ZNF536: variants seen among roughly 807,000 people sequenced by gnomAD.
ZNF536 encodes zinc finger protein 536.
Under a neutral mutation model 84.5 loss-of-function variants are expected in ZNF536, and 13 were observed. That is an observed-to-expected ratio of 0.15 (90% CI 0.10 to 0.24). ZNF536 has a LOEUF of 0.24. Ranked by LOEUF, ZNF536 falls within the 10% of genes least tolerant of loss-of-function variation. The pLI is 1.00. For synonymous variants in ZNF536, 811 were observed against 742.5 expected, an observed-to-expected ratio of 1.09 and a Z score of -1.50; for missense variants, 1,536 against 1,747.5, an observed-to-expected ratio of 0.88 and a Z score of 2.16.
chr19:30,496,707 G>C (rs2054734162), intron 2 of ZNF536, among the ~76,000 whole-genome samples: 1 of 152,112 alleles, frequency 6.6e-6, no homozygotes, highest in African/African-American at 2.4e-5. Context: ...CAGCACCTGG[G>C]CCTTCTCAAT....
chr19:30,514,337 A>T (rs1016281752), intron 2 of ZNF536, among the ~76,000 whole-genome samples: 1 of 152,072 alleles, frequency 6.6e-6, no homozygotes, highest in African/African-American at 2.4e-5. Flanking sequence ...AATCTCGTTG[A>T]TGTGGCAGGG....
At chr19:30,314,325 G>A (rs567117756) in intron 2 of ZNF536, among the ~76,000 whole-genome samples, 2 of 152,266 alleles carry the variant, frequency 1.3e-5, no homozygotes, top group South Asian at 2.1e-4. Context: ...TGTAGACAGG[G>A]CTCCTGCAGG....
At position 30,612,147 on chromosome 19, in the gene ZNF536, G is replaced by A. The variant is rs558076281; in HGVS notation, c.169+62633G>A. ...ATTTGGTGCTCCCGAAAGAAACATC[G>A]TTTCACTCTTTTATTGAGTTTTATG... On this transcript the variant is annotated intron_variant, in intron 1 of 1. Transcript: ENST00000592773. 1.2e-4 allele frequency among the ~76,000 whole-genome samples: 18 copies of A among 152,226 alleles called. No individual in the cohort carries two copies. The South Asian group carries it at 2.5e-3, about 21-fold the overall frequency.
chr19:30,442,259 C>A (rs1429613432), intron 1 of ZNF536, among the ~76,000 whole-genome samples: 2 of 152,230 alleles, frequency 1.3e-5, no homozygotes, highest in African/African-American at 2.4e-5. Context: ...GTTTCCTCTG[C>A]CCTCCCTGGA....
In ZNF536 at chr19:30,242,478, A is replaced by G. The variant is rs151309886; in HGVS notation, c.-190+13805A>G. ...TGGGAGGGTCCATCATGAGTGTCAC[A>G]ACAGTATTTTGGGTTCCTCTTTCCT... On this transcript the variant is annotated intron_variant, in intron 1 of 5. Coordinates refer to the ZNF536 transcript ENST00000585628. Among the ~76,000 whole-genome samples, 1,097 of 152,286 alleles carry G rather than the reference A, an allele frequency of 7.2e-3. 11 individuals are homozygous for G. The highest frequency in any genetic ancestry group is 0.026 in the African/African-American group (1,063 of 41,550).
At chr19:30,531,404 A>C (rs1297072917) in intron 2 of ZNF536, among the ~76,000 whole-genome samples, 2 of 151,306 alleles carry the variant, frequency 1.3e-5, no homozygotes, top group African/African-American at 2.4e-5. Context: ...CAGGAGAAAT[A>C]TGCCCTCTCT....
intron 1 of ZNF536, among the ~76,000 whole-genome samples, chr19:30,613,936 C>G (rs2048190789): frequency 6.6e-6 from 1 of 152,212 alleles, no homozygotes; most frequent in Non-Finnish European, 1.5e-5. Context: ...GATCTTGGCT[C>G]ACTGCAACCT....
intron 1 of ZNF536, among the ~76,000 whole-genome samples, chr19:30,239,960 C>G (rs1348229353): frequency 6.6e-6 from 1 of 152,206 alleles, no homozygotes; most frequent in African/African-American, 2.4e-5. Context: ...CCAGACTTGT[C>G]AGCTAGCCTT....
chr19:30,532,420 C>A (rs574903343), intron 2 of ZNF536, among the ~76,000 whole-genome samples: 1 of 152,208 alleles, frequency 6.6e-6, no homozygotes, highest in South Asian at 2.1e-4. Context: ...CATAAGCCAC[C>A]ATGCCCGGCC....
intron 1 of ZNF536, among the ~76,000 whole-genome samples, chr19:30,382,988 C>G (rs1022789879): frequency 1.3e-5 from 2 of 152,126 alleles, no homozygotes; most frequent in African/African-American, 4.8e-5. Context: ...TTCTTTTTCT[C>G]CTCCTAAAAA....
intron 2 of ZNF536, among the ~76,000 whole-genome samples, chr19:30,288,121 G>A (rs1180966820): frequency 6.6e-6 from 1 of 152,136 alleles, no homozygotes; most frequent in East Asian, 1.9e-4. Context: ...AATCCACAAG[G>A]GCACATACAC....
chr19:30,232,364 G>A (rs2023128913), intron 1 of ZNF536, among the ~76,000 whole-genome samples: 1 of 152,102 alleles, frequency 6.6e-6, no homozygotes, highest in African/African-American at 2.4e-5. Flanking sequence ...TGAGGTCTGG[G>A]GTACAATGCA....
At chr19:30,407,414 C>A (rs959556122) in intron 1 of ZNF536, among the ~76,000 whole-genome samples, 4 of 152,106 alleles carry the variant, frequency 2.6e-5, no homozygotes, top group Non-Finnish European at 5.9e-5. Flanking sequence ...GTGGGGGGCT[C>A]CCCACACACC....
chr19:30,526,089 T>C (rs369148630), intron 2 of ZNF536, among the ~76,000 whole-genome samples: 1 of 152,144 alleles, frequency 6.6e-6, no homozygotes, highest in South Asian at 2.1e-4. Flanking sequence ...GCGACACGAA[T>C]GGTCTCTGGG....
chr19:30,664,960 C>T (rs11881997), intron 1 of ZNF536, among the ~76,000 whole-genome samples: 36,963 of 152,222 alleles, frequency 0.24, 5,227 homozygotes, highest in African/African-American at 0.38. Flanking sequence ...CTCCTAGAGG[C>T]TCCATGAGAG....
Position 30,445,302 on chromosome 19 carries a change from T to C in ZNF536, c.1740T>C (p.Ala580=), listed in dbSNP as rs1313978568. 1.2e-6 allele frequency: 2 copies of C among 1,614,180 alleles called. No homozygotes were observed. The highest frequency in any genetic ancestry group is 1.7e-6 in the Non-Finnish European group (2 of 1,180,032). Residue 580 remains alanine, a synonymous_variant, in exon 2 of 5, where the codon GCT becomes GCC. Coordinates refer to ENST00000355537, the MANE Select transcript of ZNF536 (RefSeq NM_014717.3). The surrounding 1 kb of genome is among the most constrained non-coding windows in gnomAD (Gnocchi z 4.5). The part of the protein sequence containing the change: ...GADGSKQKMP[A]DLVHSTKVGS... ...ATGGCTCCAAGCAGAAAATGCCTGC[T>C]GATTTGGTTCACAGCACTAAAGTGG...
intron 2 of ZNF536, among the ~76,000 whole-genome samples, chr19:30,506,756 C>G (rs770221995): frequency 1.3e-5 from 2 of 152,108 alleles, no homozygotes; most frequent in African/African-American, 4.8e-5. Flanking sequence ...TATTTTGATC[C>G]CTTTCCCCAC....
chr19:30,238,449 A>G (rs1379326960), intron 1 of ZNF536, among the ~76,000 whole-genome samples: 1 of 152,096 alleles, frequency 6.6e-6, no homozygotes, highest in Non-Finnish European at 1.5e-5. Context: ...ACACACACAC[A>G]CACACACACA....
At chr19:30,411,823 A>G (rs185542495) in intron 1 of ZNF536, among the ~76,000 whole-genome samples, 1 of 152,260 alleles carries the variant, frequency 6.6e-6, no homozygotes, top group East Asian at 1.9e-4. Context: ...TAAGTTTGAT[A>G]GATGATCTTA....
Sources: gnomAD v4.1 joint callset for allele counts (sites outside exome capture counted in the v4.1 genomes callset) on GRCh38, gnomAD v4.1.1 for gene constraint, Gnocchi (gnomAD v3.1) non-coding constraint, MANE v1.5 for transcripts, NCBI Gene and HGNC (gene_info 2026-07-23, HGNC 2026-07-21) for gene names.